The following SPATA6 variants were observed in gnomAD, a reference collection of about 807,000 sequenced individuals.
SPATA6 encodes spermatogenesis associated 6, also known as spermatogenesis-associated protein 6.
SPATA6 carries 56 observed loss-of-function variants against 65.3 expected under a neutral mutation model. The observed-to-expected ratio is 0.86, with a 90% CI of 0.69 to 1.07. SPATA6 has a LOEUF of 1.07. SPATA6 is among the 50% of genes least tolerant of loss of function. SPATA6 has a pLI of 0.00. For synonymous variants in SPATA6, 199 were observed against 213.2 expected, an observed-to-expected ratio of 0.93 and a Z score of 0.58; for missense variants, 590 against 594.8, an observed-to-expected ratio of 0.99 and a Z score of 0.08.
intron 9 of SPATA6, among the ~76,000 whole-genome samples, chr1:48,360,112 A>G (rs1164303183): frequency 6.6e-6 from 1 of 152,188 alleles, no homozygotes. Context: ...TAGTTTAGCT[A>G]TCAGATCAAA....
chr1:48,272,758 T>C, the SPATA6 span, among the ~76,000 whole-genome samples: 6 of 152,170 alleles, frequency 3.9e-5, no homozygotes, highest in Non-Finnish European at 5.9e-5. Context: ...GTCACCTTCA[T>C]ACTGATTTCC....
chr1:48,282,561 G>A, the SPATA6 span, among the ~76,000 whole-genome samples: 1 of 152,180 alleles, frequency 6.6e-6, no homozygotes, highest in Non-Finnish European at 1.5e-5. Context: ...AGACATTTAT[G>A]CAGCCACAAA....
intron 9 of SPATA6, among the ~76,000 whole-genome samples, chr1:48,368,238 C>T (rs1213840547): frequency 6.6e-6 from 1 of 152,148 alleles, no homozygotes. Flanking sequence ...ATTTTGCCTT[C>T]ATTTAAACTT....
chr1:48,319,806 C>T (rs922716780), intron 11 of SPATA6, among the ~76,000 whole-genome samples: 1 of 152,168 alleles, frequency 6.6e-6, no homozygotes, highest in South Asian at 2.1e-4. Context: ...ATCCCACAGG[C>T]TTGTGATCCC....
Position 48,359,782 on chromosome 1 carries a change from A to C in SPATA6, c.910-12T>G, listed in dbSNP as rs1646758386. ...GGTGTCCTGATAACCTGTTTTAAAA[A>C]TTATATACATATAGATATACAAATA... On this transcript the variant is annotated splice_polypyrimidine_tract_variant and intron_variant, in intron 9 of 12. Coordinates refer to ENST00000371847, the MANE Select transcript of SPATA6 (RefSeq NM_019073.4). 1 of 1,576,970 alleles carries C rather than the reference A, an allele frequency of 6.3e-7. No individual in the cohort carries two copies. Among genetic ancestry groups the C allele is most frequent in the Admixed American group, 1.8e-5 (1 of 56,954 alleles).
At position 48,298,629 on chromosome 1, in the gene SPATA6, A is replaced by G; in HGVS notation, c.*84T>C. The G allele has an allele frequency of 7.4e-7, 1 of 1,349,138 alleles. No homozygotes were observed. The highest frequency in any genetic ancestry group is 1.7e-5 in the South Asian group (1 of 59,238). The allele number at this position is 1,349,138 out of a possible 1,614,324, so 83.6% of individuals were successfully genotyped here. On this transcript the variant is annotated 3_prime_UTR_variant, in exon 13 of 13. Coordinates refer to ENST00000371847, the MANE Select transcript of SPATA6 (RefSeq NM_019073.4). ...TTAGTTATAATCCCATTTTTTTTAAAAAAAGGAATACAGATATTGATCACA... is the reference window on the plus strand; with the variant it reads ...TTAGTTATAATCCCATTTTTTTTAAGAAAAGGAATACAGATATTGATCACA...
At chr1:48,366,406 G>A (rs968154538) in intron 9 of SPATA6, among the ~76,000 whole-genome samples, 2 of 152,106 alleles carry the variant, frequency 1.3e-5, no homozygotes, top group South Asian at 2.1e-4. Flanking sequence ...GGTAGAATTC[G>A]GCTGTGAATC....
intron 9 of SPATA6, among the ~76,000 whole-genome samples, chr1:48,361,083 A>G (rs1646799409): frequency 6.6e-6 from 1 of 152,206 alleles, no homozygotes; most frequent in African/African-American, 2.4e-5. Flanking sequence ...GGGAAAGTCC[A>G]GGATGAAAAT....
intron 9 of SPATA6, among the ~76,000 whole-genome samples, chr1:48,371,156 G>T (rs190545206): frequency 6.6e-6 from 1 of 152,122 alleles, no homozygotes; most frequent in South Asian, 2.1e-4. Context: ...ATAATACAAG[G>T]ATGGATTATC....
At chr1:48,461,159 TC>T (rs1173396801) in intron 1 of SPATA6, among the ~76,000 whole-genome samples, 3 of 152,184 alleles carry the variant, frequency 2.0e-5, no homozygotes, top group African/African-American at 7.2e-5. Context: ...TCTGTTCATA[TC>T]CTTTGCCCAC....
rs1233989987 is a variant in SPATA6 at position 48,296,835 on chromosome 1, T to A, written c.*1878A>T. 2.0e-5 allele frequency: 3 copies of A among 151,598 alleles called. No homozygotes were observed. The East Asian group carries it at 5.8e-4, about 29-fold the overall frequency. 9.4% of individuals were successfully genotyped at this position (151,598 alleles called of 1,614,324 possible). The stretch of plus-strand genomic sequence containing the variant: ...TGTGAGGAGCTAGGGGAATGGGGGG[T>A]GGTGGCAAGAATAACAAATAGTGGT... On this transcript the variant is annotated 3_prime_UTR_variant, in exon 13 of 13. Transcript: ENST00000371847.
At chr1:48,328,691 T>C (rs1471284191) in intron 11 of SPATA6, among the ~76,000 whole-genome samples, 1 of 152,168 alleles carries the variant, frequency 6.6e-6, no homozygotes, top group Non-Finnish European at 1.5e-5. Context: ...AGATGTGATT[T>C]TTTTGAGTAT....
intron 9 of SPATA6, among the ~76,000 whole-genome samples, chr1:48,376,131 A>G (rs149745077): frequency 2.4e-4 from 36 of 152,218 alleles, no homozygotes; most frequent in African/African-American, 7.7e-4. Flanking sequence ...ATGTTCCTCC[A>G]TCACCCTCAG....
intron 11 of SPATA6, among the ~76,000 whole-genome samples, chr1:48,336,740 T>G (rs1281581525): frequency 6.6e-5 from 10 of 151,966 alleles, no homozygotes. Context: ...GTCATGAATT[T>G]ACCTATATAA....
In SPATA6 at chr1:48,399,644, C is replaced by T. The variant is rs764767353; in HGVS notation, c.487G>A (p.Asp163Asn). 1.8e-5 allele frequency: 28 copies of T among 1,557,070 alleles called. No individual in the cohort carries two copies. The South Asian group carries it at 3.1e-4, about 17-fold the overall frequency. The change falls in exon 7 of 13, where the codon GAT becomes AAT. Residue 163 changes from aspartate (D) to asparagine (N), a missense_variant and splice_region_variant. By Grantham distance (23) the Asp-to-Asn change is conservative. Coordinates refer to ENST00000371847, the MANE Select transcript of SPATA6 (RefSeq NM_019073.4). Reference sequence around the variant, plus strand: ...GGAGCCAAATGGTAAATAAATTTATCCTAAACATAAAAAATAAAAATTAAC... The same window carrying T: ...GGAGCCAAATGGTAAATAAATTTATTCTAAACATAAAAAATAAAAATTAAC... The part of the protein sequence containing the change: ...LISSRKCHTQ[D>N]KFIYHLAPVE...
intron 9 of SPATA6, among the ~76,000 whole-genome samples, chr1:48,360,016 G>A (rs1646766063): frequency 6.6e-6 from 1 of 152,054 alleles, no homozygotes. Context: ...AAGACAGTTC[G>A]AAAGGCTTTT....
At chr1:48,470,002 T>A (rs150936201) in intron 1 of SPATA6, among the ~76,000 whole-genome samples, 43 of 152,326 alleles carry the variant, frequency 2.8e-4, no homozygotes, top group Non-Finnish European at 1.5e-5. Flanking sequence ...TCCAATGATT[T>A]CCATCTAAGA....
intron 3 of SPATA6, among the ~76,000 whole-genome samples, chr1:48,438,691 G>T (rs553069586): frequency 1.3e-5 from 2 of 152,136 alleles, no homozygotes; most frequent in African/African-American, 2.4e-5. Context: ...TCTAACGCCT[G>T]TCAGACAAAC....
chr1:48,271,966 T>G, the SPATA6 span, among the ~76,000 whole-genome samples: 1 of 152,238 alleles, frequency 6.6e-6, no homozygotes, highest in South Asian at 2.1e-4. Flanking sequence ...TCCTGATTTA[T>G]CTCACTCTCA....
Sources: allele counts gnomAD v4.1 joint callset (sites outside exome capture counted in the v4.1 genomes callset), GRCh38; gene constraint gnomAD v4.1.1; transcripts MANE v1.5; gene names NCBI Gene and HGNC (gene_info 2026-07-23, HGNC 2026-07-21).